The following TMCC3 variants were observed in gnomAD, a reference collection of about 807,000 sequenced individuals.
TMCC3 encodes the protein transmembrane and coiled-coil domain family 3, also known as transmembrane and coiled-coil domain protein 3.
TMCC3 carries 28 observed loss-of-function variants against 40.2 expected under a neutral mutation model. That is an observed-to-expected ratio of 0.70 (90% CI 0.52 to 0.95). The LOEUF is 0.95. Ranked by LOEUF, TMCC3 falls within the 40% of genes least tolerant of loss-of-function variation. The pLI is 0.00. For missense variants in TMCC3, 554 were observed against 615.2 expected (o/e 0.90, Z 1.05); for synonymous variants, 255 against 248.5 (o/e 1.03, Z -0.25).
Position 94,571,453 on chromosome 12 carries a change from C to T in TMCC3, c.1416G>A (p.Arg472=). Residue 472 remains arginine (R), a synonymous_variant, in exon 4 of 4, where the codon AGG becomes AGA. Coordinates refer to ENST00000261226, the MANE Select transcript of TMCC3 (RefSeq NM_020698.4). ...AGTGGCTTCATCTTGGTATTATCAT[C>T]CTTTCTATGGCACACAGGATATGGT... ...NWDHILCAIE[R]MIIPR 1 of 1,612,874 alleles carries T rather than the reference C, an allele frequency of 6.2e-7. No individual in the cohort carries two copies. The highest frequency in any genetic ancestry group is 8.5e-7 in the Non-Finnish European group (1 of 1,178,858).
At position 94,569,601 on chromosome 12, in the gene TMCC3, T is replaced by C. The variant is rs2068514675; in HGVS notation, c.*1834A>G. 1.3e-5 allele frequency: 2 copies of C among 152,282 alleles called. No homozygotes were observed. Among genetic ancestry groups the C allele is most frequent in the South Asian group, 4.1e-4 (2 of 4,828 alleles). The allele number at this position is 152,282 out of a possible 1,614,324, so 9.4% of individuals were successfully genotyped here. A position where few individuals can be genotyped will look rare whatever the true frequency, so the allele number is the denominator to read the frequency against. On this transcript the variant is annotated 3_prime_UTR_variant, in exon 4 of 4. Transcript: ENST00000261226. ...GTCTGGAATTAGATAGTGGTGATGG[T>C]TGAACAAGTTTGTGAATTTACTAAA...
intron 1 of TMCC3, among the ~76,000 whole-genome samples, chr12:94,608,068 G>A (rs564575652): frequency 1.2e-4 from 18 of 152,312 alleles, no homozygotes; most frequent in African/African-American, 4.3e-4. Flanking sequence ...GGATAAACAT[G>A]TAGTGAACAA....
At chr12:94,623,494 T>G (rs1320283907) in intron 1 of TMCC3, among the ~76,000 whole-genome samples, 1 of 152,238 alleles carries the variant, frequency 6.6e-6, no homozygotes, top group South Asian at 2.1e-4. Flanking sequence ...CAACCAGCAC[T>G]TATTTCTGCT....
rs763697870 is a variant in TMCC3 at position 94,569,130 on chromosome 12, G to C, written c.*2305C>G. 1.3e-5 allele frequency: 2 copies of C among 152,218 alleles called. No individual in the cohort carries two copies. The highest frequency in any genetic ancestry group is 4.8e-5 in the African/African-American group (2 of 41,436). 9.4% of individuals were successfully genotyped at this position (152,218 alleles called of 1,614,324 possible). On this transcript the variant is annotated 3_prime_UTR_variant, in exon 4 of 4. Coordinates refer to ENST00000261226, the MANE Select transcript of TMCC3 (RefSeq NM_020698.4). ...CCCTCCCAGAGCCCTTCACCTCAAG[G>C]GTTAGACATCTCTCCTTCTCTAAAC... is the stretch of plus-strand genomic sequence containing the variant.
intron 1 of TMCC3, among the ~76,000 whole-genome samples, chr12:94,632,105 T>C (rs969130120): frequency 5.3e-5 from 8 of 152,142 alleles, no homozygotes; most frequent in African/African-American, 1.7e-4. Context: ...AAAGCAAAAC[T>C]GTAAGGACAG....
chr12:94,613,261 G>A (rs1243036773), intron 1 of TMCC3, among the ~76,000 whole-genome samples: 1 of 151,834 alleles, frequency 6.6e-6, no homozygotes, highest in African/African-American at 2.4e-5. Flanking sequence ...CCCAGAGTTC[G>A]AGATCAACAT....
intron 1 of TMCC3, among the ~76,000 whole-genome samples, chr12:94,584,633 C>T (rs7311703): frequency 0.32 from 47,589 of 150,098 alleles, 7,745 homozygotes; most frequent in Admixed American, 0.4. Context: ...CCTAGATGGG[C>T]GGGTCAGGCC....
At chr12:94,595,665 A>C (rs545974564) in intron 1 of TMCC3, among the ~76,000 whole-genome samples, 14 of 152,374 alleles carry the variant, frequency 9.2e-5, no homozygotes, top group Non-Finnish European at 1.6e-4. Context: ...GCTATCAGAC[A>C]GGGCTTAGAA....
rs1055681272 is a variant in TMCC3 at position 94,573,345 on chromosome 12, C to T, written c.1132-1608G>A. Among the ~76,000 whole-genome samples the T allele has an allele frequency of 8.5e-5, 13 of 152,206 alleles. No homozygotes were observed. In the South Asian group the frequency reaches 1.4e-3, roughly 17 times the overall value. Reference sequence around the variant, plus strand: ...ATCTCCTGCCTGCAATAACCTTACACGAATTTCCCTATACACTCTTTTGTT... The same window carrying T: ...ATCTCCTGCCTGCAATAACCTTACATGAATTTCCCTATACACTCTTTTGTT... On this transcript the variant is annotated intron_variant, in intron 3 of 3. Coordinates refer to ENST00000261226, the MANE Select transcript of TMCC3 (RefSeq NM_020698.4).
At chr12:94,591,185 C>A in intron 1 of TMCC3, 1 of 256,406 alleles carries the variant, frequency 3.9e-6, no homozygotes, top group Non-Finnish European at 7.7e-6. Context: ...TCTAAATGTA[C>A]AAGGCATTCA....
intron 1 of TMCC3, among the ~76,000 whole-genome samples, chr12:94,597,114 T>C (rs1378018271): frequency 9.7e-6 from 1 of 103,048 alleles, no homozygotes; most frequent in African/African-American, 3.7e-5. Flanking sequence ...TCACTGTCTC[T>C]ATTAAAATAC....
chr12:94,616,112 C>G, intron 1 of TMCC3: 1 of 985,180 alleles, frequency 1.0e-6, no homozygotes, highest in Non-Finnish European at 1.2e-6. Context: ...CTCAGAGAAA[C>G]TCCACGCCCT....
intron 1 of TMCC3, among the ~76,000 whole-genome samples, chr12:94,604,031 T>C (rs1401373783): frequency 2.6e-5 from 4 of 152,204 alleles, no homozygotes; most frequent in Admixed American, 2.6e-4. Context: ...ATATTTGTTT[T>C]TAGAATACTA....
chr12:94,610,408 C>T (rs1431236538), intron 1 of TMCC3, among the ~76,000 whole-genome samples: 1 of 150,668 alleles, frequency 6.6e-6, no homozygotes, highest in Admixed American at 6.6e-5. Flanking sequence ...CCATATAGTT[C>T]TGAAAACACC....
At chr12:94,639,303 C>T (rs764529875) in intron 1 of TMCC3, among the ~76,000 whole-genome samples, 2 of 152,108 alleles carry the variant, frequency 1.3e-5, no homozygotes, top group Non-Finnish European at 2.9e-5. Flanking sequence ...TTGATGAGGC[C>T]GAGTATGGTG....
At chr12:94,623,878 A>G (rs1003326621) in intron 1 of TMCC3, among the ~76,000 whole-genome samples, 10 of 152,252 alleles carry the variant, frequency 6.6e-5, no homozygotes, top group Admixed American at 6.5e-4. Flanking sequence ...TGCAAACCAC[A>G]ACAGTTTCTC....
intron 1 of TMCC3, among the ~76,000 whole-genome samples, chr12:94,636,733 A>C (rs1331949133): frequency 6.6e-6 from 1 of 152,266 alleles, no homozygotes; most frequent in East Asian, 1.9e-4. Flanking sequence ...CTGAAGAAAC[A>C]AACTGTCGTG....
At chr12:94,636,191 T>C (rs1419883270) in intron 1 of TMCC3, among the ~76,000 whole-genome samples, 2 of 152,232 alleles carry the variant, frequency 1.3e-5, no homozygotes, top group South Asian at 2.1e-4. Flanking sequence ...GGGATAACTG[T>C]ATAGACATCT....
intron 1 of TMCC3, among the ~76,000 whole-genome samples, chr12:94,625,446 T>C (rs1168643028): frequency 6.6e-6 from 1 of 151,562 alleles, no homozygotes; most frequent in Admixed American, 6.6e-5. Flanking sequence ...ATACAAAAAT[T>C]AGCCAGGCGT....
Sources: allele counts gnomAD v4.1 joint callset (sites outside exome capture counted in the v4.1 genomes callset), GRCh38; gene constraint gnomAD v4.1.1; transcripts MANE v1.5; gene names NCBI Gene and HGNC (gene_info 2026-07-23, HGNC 2026-07-21).